FAF1: variants seen among roughly 807,000 people sequenced by gnomAD.
The protein encoded by FAF1 is Fas associated factor 1, also known as FAS-associated factor 1.
A neutral mutation model predicts 92.5 loss-of-function variants in FAF1; 25 were observed. That is an observed-to-expected ratio of 0.27 (90% CI 0.20 to 0.38). The LOEUF is 0.38. Among genes scored for constraint, FAF1 ranks in the 10% least tolerant of loss-of-function variants. The pLI is 1.00. For synonymous variants in FAF1, 234 were observed against 273.2 expected, an observed-to-expected ratio of 0.86 and a Z score of 1.42; for missense variants, 636 against 793.3, an observed-to-expected ratio of 0.80 and a Z score of 2.38.
intron 1 of FAF1, among the ~76,000 whole-genome samples, chr1:50,861,187 TA>T (rs1340513844): frequency 6.6e-6 from 1 of 151,880 alleles, no homozygotes; most frequent in African/African-American, 2.4e-5. Context: ...AATAAACTTC[TA>T]TCTGTACTCC....
chr1:50,842,023 A>G (rs1204558483), intron 2 of FAF1, among the ~76,000 whole-genome samples: 2 of 152,088 alleles, frequency 1.3e-5, no homozygotes, highest in African/African-American at 2.4e-5. Flanking sequence ...CTGACTGACC[A>G]GGAATGCAAG....
intron 8 of FAF1, among the ~76,000 whole-genome samples, chr1:50,605,003 AGAATCACCT>A (rs1652310261): frequency 6.6e-6 from 1 of 152,204 alleles, no homozygotes; most frequent in Non-Finnish European, 1.5e-5. Flanking sequence ...AAAATCAAGG[AGAATCACCT>A]GATGCTATTT....
chr1:50,905,888 T>A (rs12123602), intron 1 of FAF1, among the ~76,000 whole-genome samples: 2 of 152,284 alleles, frequency 1.3e-5, no homozygotes, highest in South Asian at 4.1e-4. Flanking sequence ...TTTAATTAGA[T>A]CCCGTTTGTC....
At chr1:50,610,230 T>A (rs1652626281) in intron 8 of FAF1, among the ~76,000 whole-genome samples, 1 of 152,306 alleles carries the variant, frequency 6.6e-6, no homozygotes, top group Admixed American at 6.5e-5. Context: ...ATGATCCATA[T>A]GATGATATGT....
At position 50,733,938 on chromosome 1, in the gene FAF1, A is replaced by C. The variant is rs991854342; in HGVS notation, c.551+4925T>G. Among the ~76,000 whole-genome samples the C allele has an allele frequency of 3.9e-5, 6 of 152,172 alleles. No homozygotes were observed. The East Asian group carries it at 1.2e-3, about 29-fold the overall frequency. Reference sequence around the variant, plus strand: ...CAGCCTCCTGAGTAGCTCGGGTTACAGGCGTGCACCACCACACCCAGATAA... The same window carrying C: ...CAGCCTCCTGAGTAGCTCGGGTTACCGGCGTGCACCACCACACCCAGATAA... On this transcript the variant is annotated intron_variant, in intron 6 of 18. Transcript: ENST00000396153.
chr1:50,834,447 T>A lies in FAF1; in HGVS notation c.114+23482A>T, dbSNP rs2124636820. Among the ~76,000 whole-genome samples, 2 of 152,104 alleles carry A rather than the reference T, an allele frequency of 1.3e-5. 1 individual carries two copies. Among genetic ancestry groups the A allele is most frequent in the Middle Eastern group, 6.8e-3 (2 of 294 alleles). ...AAAACCCTTCCCAAGAAAATCAGAG[T>A]CATTGGGAAAGACAGGTAAGAGGTC... On this transcript the variant is annotated intron_variant, in intron 2 of 18. Transcript: ENST00000396153.
intron 2 of FAF1, among the ~76,000 whole-genome samples, chr1:50,803,677 CTGAAGAATGAG>C (rs1391847254): frequency 6.6e-6 from 1 of 152,102 alleles, no homozygotes. Flanking sequence ...TCACCTGAGG[CTGAAGAATGAG>C]TGAAAAGTAG....
Position 50,758,808 on chromosome 1 carries a change from C to T in FAF1, c.368-14033G>A, listed in dbSNP as rs573002877. On this transcript the variant is annotated intron_variant, in intron 4 of 18. Transcript: ENST00000396153. ...ACTTACTGCATTGCCTCCTGGTGTGCGCTGCTTCTGATAGAAGTCTGTATT... is the reference window on the plus strand; with the variant it reads ...ACTTACTGCATTGCCTCCTGGTGTGTGCTGCTTCTGATAGAAGTCTGTATT... 1.8e-4 allele frequency among the ~76,000 whole-genome samples: 28 copies of T among 152,174 alleles called. No individual in the cohort carries two copies. The East Asian group carries it at 3.3e-3, about 18-fold the overall frequency.
chr1:50,917,614 A>G (rs1450542902), intron 1 of FAF1, among the ~76,000 whole-genome samples: 3 of 134,134 alleles, frequency 2.2e-5, no homozygotes, highest in Non-Finnish European at 5.0e-5. Flanking sequence ...GGAAAGGAAA[A>G]GGGAAAGGAA....
chr1:50,836,168 C>CTTTTTTTTTTT (rs1644200011), intron 2 of FAF1, among the ~76,000 whole-genome samples: 26 of 75,504 alleles, frequency 3.4e-4, no homozygotes, highest in Middle Eastern at 9.3e-3. Context: ...TTTTTTGTTT[C>CTTTTTTTTTTT]TGTTTTTTTT....
At chr1:50,852,959 A>C (rs1644362838) in intron 2 of FAF1, among the ~76,000 whole-genome samples, 1 of 152,192 alleles carries the variant, frequency 6.6e-6, no homozygotes, top group Non-Finnish European at 1.5e-5. Flanking sequence ...AATTGATATG[A>C]TGAGCTATTC....
chr1:50,597,550 GTA>G (rs1211963371), intron 8 of FAF1, among the ~76,000 whole-genome samples: 3 of 152,048 alleles, frequency 2.0e-5, no homozygotes, highest in Non-Finnish European at 4.4e-5. Flanking sequence ...ATTATTTTAA[GTA>G]TATGTGTCCA....
chr1:50,548,912 A>C lies in FAF1; in HGVS notation c.1269-9184T>G, dbSNP rs1012900087. On this transcript the variant is annotated intron_variant, in intron 13 of 18. Coordinates refer to ENST00000396153, the MANE Select transcript of FAF1 (RefSeq NM_007051.3). ...CTTAAGGGCCTCAGCTTTCTCATCT[A>C]TAAAATGAAGATAATAATACCTACT... 2.0e-5 allele frequency among the ~76,000 whole-genome samples: 3 copies of C among 152,236 alleles called. No individual in the cohort carries two copies. In the East Asian group the frequency reaches 5.8e-4, roughly 29 times the overall value.
chr1:50,668,601 A>T (rs1472325787), intron 7 of FAF1, among the ~76,000 whole-genome samples: 1 of 152,218 alleles, frequency 6.6e-6, no homozygotes, highest in African/African-American at 2.4e-5. Context: ...TGACAATTTA[A>T]TTAAATCGTA....
At chr1:50,602,788 C>T (rs951533451) in intron 8 of FAF1, among the ~76,000 whole-genome samples, 6 of 152,092 alleles carry the variant, frequency 3.9e-5, no homozygotes, top group African/African-American at 1.4e-4. Flanking sequence ...AGATAGGAGC[C>T]ACCTCACCCA....
At chr1:50,445,199 T>G (rs546016431) in intron 18 of FAF1, among the ~76,000 whole-genome samples, 1 of 152,310 alleles carries the variant, frequency 6.6e-6, no homozygotes, top group Non-Finnish European at 1.5e-5. Flanking sequence ...CACTGTATAT[T>G]GTACCCAATG....
intron 7 of FAF1, among the ~76,000 whole-genome samples, chr1:50,701,888 A>T (rs1657488595): frequency 6.6e-6 from 1 of 152,114 alleles, no homozygotes; most frequent in Admixed American, 6.6e-5. Context: ...CAACAATAAT[A>T]AGAACAGTGA....
intron 5 of FAF1, among the ~76,000 whole-genome samples, chr1:50,740,910 C>T (rs1359796740): frequency 6.6e-6 from 1 of 152,060 alleles, no homozygotes. Flanking sequence ...TTGGTAAATG[C>T]TTGCCATTTG....
rs372786177 is a variant in FAF1, at chr1:50,531,424, T to C, written c.1494+3945A>G. ...GGTTTCTAGGTAGCTTAAAAAACAG[T>C]GCATATAAAAAAATCAATCCATTTA... On this transcript the variant is annotated intron_variant, in intron 15 of 18. Coordinates refer to ENST00000396153, the MANE Select transcript of FAF1 (RefSeq NM_007051.3). 2.6e-5 allele frequency among the ~76,000 whole-genome samples: 4 copies of C among 152,218 alleles called. No homozygotes were observed. In the South Asian group the frequency reaches 8.3e-4, roughly 32 times the overall value.
Sources: allele counts gnomAD v4.1 joint callset (sites outside exome capture counted in the v4.1 genomes callset), GRCh38; gene constraint gnomAD v4.1.1; transcripts MANE v1.5; gene names NCBI Gene and HGNC (gene_info 2026-07-23, HGNC 2026-07-21).